SCHIP1: variants seen among roughly 807,000 people sequenced by gnomAD.
The protein encoded by SCHIP1 is schwannomin-interacting protein 1.
SCHIP1 carries 8 observed loss-of-function variants against 29.7 expected under a neutral mutation model. The observed-to-expected ratio is 0.27, with a 90% confidence interval of 0.16 to 0.49. SCHIP1 has a LOEUF of 0.49. Among genes scored for constraint, SCHIP1 ranks in the 20% least tolerant of loss-of-function variants. The pLI is 0.99. For missense variants in SCHIP1, 193 were observed against 294.6 expected (o/e 0.66, Z 2.52); for synonymous variants, 76 against 94.9 (o/e 0.80, Z 1.16).
chr3:159,389,186 A>G, the SCHIP1 span, among the ~76,000 whole-genome samples: 1 of 152,112 alleles, frequency 6.6e-6, no homozygotes, highest in Non-Finnish European at 1.5e-5. Flanking sequence ...ATTAGAAAGT[A>G]TATTTTTTCC....
chr3:159,433,898 C>G, the SCHIP1 span, among the ~76,000 whole-genome samples: 2 of 152,144 alleles, frequency 1.3e-5, no homozygotes, highest in East Asian at 3.9e-4. Context: ...CTGATAAACA[C>G]CTGTCCCCAT....
chr3:159,895,703 T>C (rs1384336967), intron 6 of SCHIP1, among the ~76,000 whole-genome samples: 5 of 152,142 alleles, frequency 3.3e-5, no homozygotes, highest in African/African-American at 1.2e-4. Flanking sequence ...TGTTTGTTTG[T>C]TTGTTCTTTG....
chr3:159,780,114 A>G, the SCHIP1 span, among the ~76,000 whole-genome samples: 1 of 152,178 alleles, frequency 6.6e-6, no homozygotes, highest in Admixed American at 6.5e-5. Context: ...TGTTCTGGGA[A>G]CTTCAGCTCC....
At chr3:159,420,818 T>G in the SCHIP1 span, among the ~76,000 whole-genome samples, 1 of 152,206 alleles carries the variant, frequency 6.6e-6, no homozygotes, top group Admixed American at 6.5e-5. Flanking sequence ...ATTGAGACAT[T>G]TCTATGGCCA....
At chr3:159,753,969 G>A in the SCHIP1 span, among the ~76,000 whole-genome samples, 4 of 152,072 alleles carry the variant, frequency 2.6e-5, no homozygotes, top group Non-Finnish European at 4.4e-5. Context: ...TGCTCTCTTA[G>A]CATCATTTGA....
chr3:159,497,137 T>C, the SCHIP1 span, among the ~76,000 whole-genome samples: 5 of 152,004 alleles, frequency 3.3e-5, no homozygotes, highest in Admixed American at 3.3e-4. Flanking sequence ...TTAGGAGATA[T>C]ATCTAATGCT....
the SCHIP1 span, among the ~76,000 whole-genome samples, chr3:159,665,535 TG>T: frequency 6.6e-6 from 1 of 150,638 alleles, no homozygotes; most frequent in Non-Finnish European, 1.5e-5. Flanking sequence ...GGTGGTTTTT[TG>T]TTTTTGGGGT....
the SCHIP1 span, among the ~76,000 whole-genome samples, chr3:159,705,130 A>G: frequency 2.0e-5 from 3 of 151,792 alleles, no homozygotes; most frequent in Non-Finnish European, 4.4e-5. Flanking sequence ...CGCCCGGCTA[A>G]TTTTTGTATT....
At chr3:159,305,936 G>T in the SCHIP1 span, among the ~76,000 whole-genome samples, 1 of 152,056 alleles carries the variant, frequency 6.6e-6, no homozygotes, top group African/African-American at 2.4e-5. Context: ...TCTTAATAGA[G>T]TAACAAATCA....
the SCHIP1 span, among the ~76,000 whole-genome samples, chr3:159,329,317 T>C: frequency 6.6e-6 from 1 of 152,230 alleles, no homozygotes; most frequent in Non-Finnish European, 1.5e-5. Context: ...TGGGACAGTT[T>C]GTTCCTGCTT....
At chr3:159,636,841 T>C in the SCHIP1 span, among the ~76,000 whole-genome samples, 1 of 152,202 alleles carries the variant, frequency 6.6e-6, no homozygotes, top group Admixed American at 6.5e-5. Flanking sequence ...TGTAAGATGA[T>C]AGAAATAGAC....
At chr3:159,378,426 G>A in the SCHIP1 span, among the ~76,000 whole-genome samples, 1 of 152,162 alleles carries the variant, frequency 6.6e-6, no homozygotes, top group Admixed American at 6.5e-5. Flanking sequence ...ACTGACTCTT[G>A]GGTGGTTGTT....
At chr3:159,403,923 A>G in the SCHIP1 span, among the ~76,000 whole-genome samples, 1 of 152,186 alleles carries the variant, frequency 6.6e-6, no homozygotes, top group Non-Finnish European at 1.5e-5. Context: ...TTGTTTTGCT[A>G]TTTGGCTACC....
intron 1 of SCHIP1, among the ~76,000 whole-genome samples, chr3:159,860,519 A>AT: frequency 6.6e-6 from 1 of 152,330 alleles, no homozygotes; most frequent in African/African-American, 2.4e-5. Context: ...AGGATGCTAG[A>AT]CGTGGTATCT....
At chr3:159,503,528 C>T in the SCHIP1 span, among the ~76,000 whole-genome samples, 1 of 152,140 alleles carries the variant, frequency 6.6e-6, no homozygotes, top group Admixed American at 6.5e-5. Flanking sequence ...AGGAACCTGA[C>T]AGTAAAAGCC....
the SCHIP1 span, among the ~76,000 whole-genome samples, chr3:159,520,028 A>G: frequency 6.8e-6 from 1 of 147,410 alleles, no homozygotes; most frequent in East Asian, 2.2e-4. Flanking sequence ...ATTCACTTGT[A>G]TTGGGTTCCA....
the SCHIP1 span, among the ~76,000 whole-genome samples, chr3:159,582,781 TATATATAC>T: frequency 3.5e-4 from 31 of 88,538 alleles, no homozygotes; most frequent in African/African-American, 8.9e-4. Flanking sequence ...AACTGAAATA[TATATATAC>T]ACACACACAC....
chr3:159,648,995 T>C, the SCHIP1 span, among the ~76,000 whole-genome samples: 1 of 152,290 alleles, frequency 6.6e-6, no homozygotes, highest in East Asian at 1.9e-4. Context: ...CATTTTCCTG[T>C]TCTTGGAGAT....
chr3:159,295,127 C>A, the SCHIP1 span, among the ~76,000 whole-genome samples: 1 of 151,886 alleles, frequency 6.6e-6, no homozygotes, highest in Non-Finnish European at 1.5e-5. Flanking sequence ...AAGTTTACAA[C>A]ATTCCCCAGA....
Sources: allele counts gnomAD v4.1 joint callset (sites outside exome capture counted in the v4.1 genomes callset), GRCh38; gene constraint gnomAD v4.1.1; transcripts MANE v1.5; gene names NCBI Gene and HGNC (gene_info 2026-07-23, HGNC 2026-07-21).